Variants in SH3RF3 observed in about 807,000 individuals in gnomAD.
SH3RF3 encodes SH3 domain containing ring finger 3, also known as E3 ubiquitin-protein ligase SH3RF3.
In SH3RF3, 29 loss-of-function variants were observed where a neutral mutation model predicts 66.3. The observed-to-expected ratio is 0.44, with a 90% confidence interval of 0.33 to 0.60. The LOEUF is 0.60. SH3RF3 is among the 20% of genes least tolerant of loss of function. The pLI is 0.04. For missense variants in SH3RF3, 1,194 were observed against 1,190.9 expected, an observed-to-expected ratio of 1.00 and a Z score of -0.04; for synonymous variants, 583 against 532.0, an observed-to-expected ratio of 1.10 and a Z score of -1.32.
At chr2:109,247,723 T>G (rs1679950451) in intron 1 of SH3RF3, among the ~76,000 whole-genome samples, 1 of 152,218 alleles carries the variant, frequency 6.6e-6, no homozygotes, top group Non-Finnish European at 1.5e-5. Flanking sequence ...CCTGTATCAG[T>G]TAGGATTTGC....
chr2:109,272,939 A>T (rs1289828404), intron 1 of SH3RF3, among the ~76,000 whole-genome samples: 3 of 152,202 alleles, frequency 2.0e-5, no homozygotes, highest in African/African-American at 7.2e-5. Flanking sequence ...TCATGAAAGG[A>T]ATCACAAAGG....
chr2:109,338,382 C>G (rs1183979106), intron 1 of SH3RF3, among the ~76,000 whole-genome samples: 1 of 152,044 alleles, frequency 6.6e-6, no homozygotes, highest in East Asian at 1.9e-4. Context: ...GGACCCAGTT[C>G]TAACACAGGC....
At chr2:109,233,460 ACTT>A (rs1468082445) in intron 1 of SH3RF3, among the ~76,000 whole-genome samples, 3 of 152,074 alleles carry the variant, frequency 2.0e-5, no homozygotes, top group Non-Finnish European at 4.4e-5. Context: ...GCACTGCTCT[ACTT>A]CTCTGCCAGT....
chr2:109,335,672 A>G (rs908299638), intron 1 of SH3RF3, among the ~76,000 whole-genome samples: 1 of 151,490 alleles, frequency 6.6e-6, no homozygotes, highest in Non-Finnish European at 1.5e-5. Flanking sequence ...TGGAACATAA[A>G]CTCCACCCGG....
intron 1 of SH3RF3, among the ~76,000 whole-genome samples, chr2:109,271,718 A>C (rs1680630123): frequency 6.6e-6 from 1 of 152,216 alleles, no homozygotes; most frequent in South Asian, 2.1e-4. Flanking sequence ...CTGCCAATTC[A>C]CTGCCTGTTT....
At chr2:109,235,605 C>T (rs548905449) in intron 1 of SH3RF3, among the ~76,000 whole-genome samples, 1 of 152,272 alleles carries the variant, frequency 6.6e-6, no homozygotes, top group East Asian at 1.9e-4. Flanking sequence ...GCATGGGCCT[C>T]GAAGGCTGTT....
intron 7 of SH3RF3, among the ~76,000 whole-genome samples, chr2:109,443,256 G>A (rs1265868113): frequency 6.6e-6 from 1 of 152,246 alleles, no homozygotes; most frequent in Non-Finnish European, 1.5e-5. Flanking sequence ...ACCTGAGGCT[G>A]CCCTATTAAC....
chr2:109,262,714 G>T (rs185242018), intron 1 of SH3RF3, among the ~76,000 whole-genome samples: 2 of 152,130 alleles, frequency 1.3e-5, no homozygotes, highest in Non-Finnish European at 1.5e-5. Flanking sequence ...TTCTTTATCC[G>T]CAAATAGCTT....
At position 109,347,962 on chromosome 2, in the gene SH3RF3, C is replaced by G; in HGVS notation, c.849+13C>G. 1 of 1,586,808 alleles carries G rather than the reference C, an allele frequency of 6.3e-7. No homozygotes were observed. The highest frequency in any genetic ancestry group is 8.6e-7 in the Non-Finnish European group (1 of 1,166,932). On this transcript the variant is annotated intron_variant, in intron 2 of 9. Coordinates refer to ENST00000309415, the MANE Select transcript of SH3RF3 (RefSeq NM_001099289.3). Reference sequence around the variant, plus strand: ...GACCTTCACCAAGGTAAGGTGAGCCCCGGGGTGGGCCCCGCCAGCCCATGC... The same window carrying G: ...GACCTTCACCAAGGTAAGGTGAGCCGCGGGGTGGGCCCCGCCAGCCCATGC...
intron 1 of SH3RF3, chr2:109,251,420 C>A: frequency 1.4e-6 from 1 of 705,114 alleles, no homozygotes. Flanking sequence ...GGAGTAGACA[C>A]CATGAGCAAA....
intron 7 of SH3RF3, among the ~76,000 whole-genome samples, chr2:109,442,661 G>T (rs925596047): frequency 5.9e-5 from 9 of 152,102 alleles, no homozygotes; most frequent in Non-Finnish European, 1.2e-4. Flanking sequence ...GAAATCATTT[G>T]TAAATGACTA....
At chr2:109,414,997 G>A (rs1676684658) in intron 4 of SH3RF3, among the ~76,000 whole-genome samples, 1 of 152,234 alleles carries the variant, frequency 6.6e-6, no homozygotes, top group South Asian at 2.1e-4. Flanking sequence ...CAGCCACAAA[G>A]GCCCTCCCGA....
chr2:109,383,729 C>T (rs1675753755), intron 3 of SH3RF3, among the ~76,000 whole-genome samples: 1 of 152,184 alleles, frequency 6.6e-6, no homozygotes, highest in African/African-American at 2.4e-5. Context: ...GAGCTACTCT[C>T]TGTTGCTTTT....
At chr2:109,236,069 C>T (rs552473156) in intron 1 of SH3RF3, among the ~76,000 whole-genome samples, 2 of 152,076 alleles carry the variant, frequency 1.3e-5, no homozygotes, top group Non-Finnish European at 2.9e-5. Flanking sequence ...GGGTTGGTTT[C>T]GCCTTGACCT....
rs182655751 is a variant in SH3RF3, at chr2:109,246,643, G to C, written c.574-101031G>C. ...ACACAGCCAGTGTATCTCCCTGCAC[G>C]TGTCTTATTTGACCTGTGGACTTAA... On this transcript the variant is annotated intron_variant, in intron 1 of 9. Coordinates refer to ENST00000309415, the MANE Select transcript of SH3RF3 (RefSeq NM_001099289.3). Among the ~76,000 whole-genome samples the C allele has an allele frequency of 4.3e-4, 65 of 152,282 alleles. 1 individual carries two copies. The highest frequency in any genetic ancestry group is 1.3e-3 in the African/African-American group (52 of 41,550).
intron 4 of SH3RF3, among the ~76,000 whole-genome samples, chr2:109,417,560 A>T (rs1020838295): frequency 2.0e-5 from 3 of 151,964 alleles, no homozygotes; most frequent in African/African-American, 7.3e-5. Context: ...CAGGCACAGG[A>T]CCCCGACAGC....
chr2:109,436,843 C>T (rs749671294), intron 6 of SH3RF3, 50 bp from the exon 7 acceptor site: 38 of 1,584,242 alleles, frequency 2.4e-5, no homozygotes, highest in Middle Eastern at 1.7e-4. Flanking sequence ...CCACATGGCA[C>T]GAATGCCTCT....
At chr2:109,210,941 G>C (rs2105106414) in intron 1 of SH3RF3, among the ~76,000 whole-genome samples, 1 of 152,324 alleles carries the variant, frequency 6.6e-6, no homozygotes, top group South Asian at 2.1e-4. Context: ...TTTCCTGTCA[G>C]AGCCTCCCAG....
intron 1 of SH3RF3, among the ~76,000 whole-genome samples, chr2:109,314,425 C>G (rs1001705181): frequency 1.3e-5 from 2 of 152,152 alleles, no homozygotes; most frequent in African/African-American, 4.8e-5. Context: ...AGCCAGGGAG[C>G]AGAGATAGAG....
Sources: allele counts gnomAD v4.1 joint callset (sites outside exome capture counted in the v4.1 genomes callset), GRCh38; gene constraint gnomAD v4.1.1; transcripts MANE v1.5; gene names NCBI Gene and HGNC (gene_info 2026-07-23, HGNC 2026-07-21).